Variants in FSIP2 observed in about 807,000 individuals in gnomAD.
FSIP2 encodes fibrous sheath interacting protein 2, also known as fibrous sheath-interacting protein 2.
A neutral mutation model predicts 510.5 loss-of-function variants in FSIP2; 367 were observed. That is an observed-to-expected ratio of 0.72 (90% CI 0.66 to 0.78). FSIP2 has a LOEUF of 0.78. Among genes scored for constraint, FSIP2 ranks in the 30% least tolerant of loss-of-function variants. The pLI is 0.00. For synonymous variants in FSIP2, 2,601 were observed against 2,732.2 expected, an observed-to-expected ratio of 0.95 and a Z score of 1.50; for missense variants, 7,594 against 7,901.7, an observed-to-expected ratio of 0.96 and a Z score of 1.48.
chr2:185,771,467 C>T (rs1042557711), intron 13 of FSIP2, among the ~76,000 whole-genome samples: 1 of 152,224 alleles, frequency 6.6e-6, no homozygotes, highest in East Asian at 1.9e-4. Flanking sequence ...CCTGACAAGG[C>T]TTATGCCTTG....
chr2:185,756,310 T>C, intron 9 of FSIP2, 32 bp downstream of exon 9: 1 of 770,440 alleles, frequency 1.3e-6, no homozygotes, highest in Non-Finnish European at 1.9e-6. Context: ...AAACACTAGA[T>C]ACTAAACAAT....
At chr2:185,748,567 C>T (rs1015629576) in intron 7 of FSIP2, among the ~76,000 whole-genome samples, 6 of 151,692 alleles carry the variant, frequency 4.0e-5, no homozygotes, top group Non-Finnish European at 7.4e-5. Context: ...AAGACTCCAT[C>T]TCAAAAAAAA....
At position 185,804,300 on chromosome 2, in the gene FSIP2, A is replaced by G; in HGVS notation, c.14994A>G (p.Thr4998=). Residue 4998 remains threonine (T), a synonymous_variant, in exon 17 of 23, where the codon ACA becomes ACG. Transcript: ENST00000424728. ...LVNSIVLEFT[T]SEILVADNFD... Reference sequence around the variant, plus strand: ...ATTCAATTGTTCTGGAGTTCACCACATCAGAGATTTTAGTTGCAGATAACT... The same window carrying G: ...ATTCAATTGTTCTGGAGTTCACCACGTCAGAGATTTTAGTTGCAGATAACT... The G allele has an allele frequency of 6.6e-7, 1 of 1,518,552 alleles. No homozygotes were observed. The highest frequency in any genetic ancestry group is 2.5e-5 in the East Asian group (1 of 40,644). 94.1% of individuals were successfully genotyped at this position (1,518,552 alleles called of 1,614,324 possible).
Position 185,804,361 on chromosome 2 carries a change from G to T in FSIP2, c.15055G>T (p.Glu5019Ter). The T allele has an allele frequency of 6.7e-7, 1 of 1,500,580 alleles. No homozygotes were observed. The highest frequency in any genetic ancestry group is 8.8e-7 in the Non-Finnish European group (1 of 1,132,332). 93.0% of individuals were successfully genotyped at this position (1,500,580 alleles called of 1,614,324 possible). Residue 5019 changes from glutamate (E) to a stop codon, truncating the protein, a stop_gained, in exon 17 of 23, where the codon GAA (glutamate) becomes TAA (stop). Transcript: ENST00000424728. LOFTEE classifies it high-confidence loss of function. The stretch of plus-strand genomic sequence containing the variant: ...TTTGTGTTTCTCAGAAAGATACAAA[G>T]AAATGGTTCAAAAAATAGTCAACTC... ...KNLCFSERYK[E>*]MVQKIVNSVY...
In FSIP2 at chr2:185,807,173, A is replaced by C. The variant is rs763043123; in HGVS notation, c.17867A>C (p.Glu5956Ala). 6.2e-7 allele frequency: 1 copy of C among 1,601,806 alleles called. No individual in the cohort carries two copies. Among genetic ancestry groups the C allele is most frequent in the South Asian group, 1.1e-5 (1 of 88,354 alleles). ...AGACTAACTAGTGCAGTGATAAATG[A>C]AATTTTCCAACGTCAGGTTAACTTG... is the stretch of plus-strand genomic sequence containing the variant. ...ARRLTSAVIN[E>A]IFQRQVNLIF... Residue 5956 changes from glutamate to alanine, a missense_variant, in exon 17 of 23, where the codon GAA (glutamate) becomes GCA (alanine). Transcript: ENST00000424728.
Position 185,795,371 on chromosome 2 carries a change from C to A in FSIP2, c.8235C>A (p.Asn2745Lys). 1 of 1,534,742 alleles carries A rather than the reference C, an allele frequency of 6.5e-7. No individual in the cohort carries two copies. Among genetic ancestry groups the A allele is most frequent in the Non-Finnish European group, 8.7e-7 (1 of 1,146,060 alleles). The change falls in exon 16 of 23, where the codon AAC (asparagine) becomes AAA (lysine). Residue 2745 changes from asparagine to lysine, a missense_variant. Asn to Lys is a moderately conservative substitution (Grantham distance 94). Transcript: ENST00000424728. ...TATATGCCAAGGATATAATAATTAA[C>A]ATCCTAGAAACAATTGTGAAGGAAT... ...LKIYAKDIII[N>K]ILETIVKEFG...
Position 185,804,411 on chromosome 2 carries a change from A to G in FSIP2, c.15105A>G (p.Gln5035=), listed in dbSNP as rs1388590514. Residue 5035 remains glutamine (Q), a synonymous_variant, in exon 17 of 23, where the codon CAA becomes CAG. Coordinates refer to ENST00000424728, the MANE Select transcript of FSIP2 (RefSeq NM_173651.4). ...CAGTATATGGAAAAGTATTAGATCA[A>G]TATAAATCTCTGATTCAAATACATA... ...VNSVYGKVLD[Q]YKSLIQIHRV... is the part of the protein sequence containing the mutation. 1.3e-6 allele frequency: 2 copies of G among 1,509,892 alleles called. No individual in the cohort carries two copies. Among genetic ancestry groups the G allele is most frequent in the Non-Finnish European group, 1.8e-6 (2 of 1,132,078 alleles). The allele number at this position is 1,509,892 out of a possible 1,614,324, so 93.5% of individuals were successfully genotyped here.
intron 10 of FSIP2, among the ~76,000 whole-genome samples, 183 bp downstream of exon 10, chr2:185,761,286 A>G (rs1319522233): frequency 6.6e-6 from 1 of 151,194 alleles, no homozygotes; most frequent in Non-Finnish European, 1.5e-5. Context: ...TGCTAAACAC[A>G]CTACGGATTT....
intron 17 of FSIP2, 90 bp downstream of exon 17, chr2:185,809,223 C>G: frequency 7.3e-7 from 1 of 1,372,636 alleles, no homozygotes; most frequent in Non-Finnish European, 9.7e-7. Flanking sequence ...TATGGAAATG[C>G]ATTCATTGTT....
rs768839256 is a variant in FSIP2 at position 185,805,301 on chromosome 2, C to G, written c.15995C>G (p.Pro5332Arg). 1 of 1,594,230 alleles carries G rather than the reference C, an allele frequency of 6.3e-7. No individual in the cohort carries two copies. Among genetic ancestry groups the G allele is most frequent in the Admixed American group, 1.8e-5 (1 of 55,248 alleles). The part of the protein sequence containing the change: ...EFKKSDIKVL[P>R]NAEKMFSFPP... ...AAGAAAAGTGATATTAAAGTTTTAC[C>G]AAATGCTGAAAAAATGTTTTCTTTT... Residue 5332 changes from proline (P) to arginine (R), a missense_variant, in exon 17 of 23, where the codon CCA becomes CGA. Physicochemically the swap from Pro to Arg is moderately radical, Grantham distance 103. Coordinates refer to ENST00000424728, the MANE Select transcript of FSIP2 (RefSeq NM_173651.4).
At chr2:185,765,136 A>T (rs1692439777) in intron 13 of FSIP2, 1 of 151,904 alleles carries the variant, frequency 6.6e-6, no homozygotes, top group Admixed American at 6.6e-5. Context: ...CTGTCGGTTT[A>T]TTGGGGTATT....
At chr2:185,780,103 T>C (rs777981459) in intron 13 of FSIP2, among the ~76,000 whole-genome samples, 21 of 151,990 alleles carry the variant, frequency 1.4e-4, no homozygotes, top group Non-Finnish European at 2.8e-4. Context: ...TGTTTAATTA[T>C]TTTACTTTTT....
At chr2:185,746,568 G>T in intron 5 of FSIP2, 101 bp from the exon 6 acceptor site, 1 of 893,992 alleles carries the variant, frequency 1.1e-6, no homozygotes, top group South Asian at 2.4e-5. Context: ...TTCAAGAAAT[G>T]AAAGGCAAGC....
chr2:185,793,449 A>C lies in FSIP2; in HGVS notation c.6313A>C (p.Thr2105Pro). Residue 2105 changes from threonine to proline, a missense_variant, in exon 16 of 23, where the codon ACC (threonine) becomes CCC (proline). Coordinates refer to ENST00000424728, the MANE Select transcript of FSIP2 (RefSeq NM_173651.4). The stretch of plus-strand genomic sequence containing the variant: ...TATCCTATGTGATATTTATGAAAAA[A>C]CCCTGTTTCAGAATAATCTCTCATT... The part of the protein sequence containing the change: ...EGILCDIYEK[T>P]LFQNNLSFAT... 1 of 1,534,170 alleles carries C rather than the reference A, an allele frequency of 6.5e-7. No individual in the cohort carries two copies. Among genetic ancestry groups the C allele is most frequent in the East Asian group, 2.5e-5 (1 of 40,814 alleles).
chr2:185,763,945 T>C (rs892806930), intron 12 of FSIP2, among the ~76,000 whole-genome samples: 6 of 151,616 alleles, frequency 4.0e-5, no homozygotes, highest in African/African-American at 1.4e-4. Flanking sequence ...TAATAAACAT[T>C]TGACAAATGT....
Position 185,790,467 on chromosome 2 carries a change from A to T in FSIP2, c.3331A>T (p.Thr1111Ser). ...AGAAAAGGCTTCAGAAAACATAGTCACAAGTATTTTAAAGGAAATGCTCAA... is the reference window on the plus strand; with the variant it reads ...AGAAAAGGCTTCAGAAAACATAGTCTCAAGTATTTTAAAGGAAATGCTCAA... ...QIEKASENIV[T>S]SILKEMLKDI... is the part of the protein sequence containing the mutation. The change falls in exon 16 of 23, where the codon ACA becomes TCA. Residue 1111 changes from threonine (T) to serine (S), a missense_variant. Physicochemically the swap from Thr to Ser is moderately conservative, Grantham distance 58. Coordinates refer to ENST00000424728, the MANE Select transcript of FSIP2 (RefSeq NM_173651.4). 1.3e-6 allele frequency: 2 copies of T among 1,534,092 alleles called. No individual in the cohort carries two copies. Among genetic ancestry groups the T allele is most frequent in the Non-Finnish European group, 1.7e-6 (2 of 1,145,554 alleles).
At chr2:185,784,543 C>CGAAA (rs2105600295) in intron 14 of FSIP2, among the ~76,000 whole-genome samples, 1 of 152,016 alleles carries the variant, frequency 6.6e-6, no homozygotes, top group Admixed American at 6.6e-5. Context: ...GTCACAGATC[C>CGAAA]GAAAGACTTT....
At chr2:185,755,570 G>T (rs1278007866) in intron 8 of FSIP2, among the ~76,000 whole-genome samples, 2 of 151,484 alleles carry the variant, frequency 1.3e-5, no homozygotes, top group African/African-American at 2.4e-5. Context: ...TACCACTATG[G>T]TAATGTTGTT....
Position 185,805,421 on chromosome 2 carries a change from A to G in FSIP2, c.16115A>G (p.Asp5372Gly). ...ACATCTCATGATATTCAAAAAGGTG[A>G]TGAAAGTAACATTGCTATAGGGATG... ...KCTSHDIQKGDESNIAIGMIA... is the reference protein window; with the variant it reads ...KCTSHDIQKGGESNIAIGMIA... The change falls in exon 17 of 23, where the codon GAT becomes GGT. Residue 5372 changes from aspartate (D) to glycine (G), a missense_variant. Transcript: ENST00000424728. 6.2e-7 allele frequency: 1 copy of G among 1,604,524 alleles called. No homozygotes were observed. Among genetic ancestry groups the G allele is most frequent in the Non-Finnish European group, 8.5e-7 (1 of 1,176,238 alleles).
Sources: gnomAD v4.1 joint callset for allele counts (sites outside exome capture counted in the v4.1 genomes callset) on GRCh38, gnomAD v4.1.1 for gene constraint, MANE v1.5 for transcripts, NCBI Gene and HGNC (gene_info 2026-07-23, HGNC 2026-07-21) for gene names.